GPCPD1: variants seen among roughly 807,000 people sequenced by gnomAD.
The protein encoded by GPCPD1 is glycerophosphocholine phosphodiesterase 1.
Under a neutral mutation model 89.2 loss-of-function variants are expected in GPCPD1, and 29 were observed. That is an observed-to-expected ratio of 0.33 (90% CI 0.24 to 0.44). The LOEUF is 0.44. Ranked by LOEUF, GPCPD1 falls within the 20% of genes least tolerant of loss-of-function variation. The pLI, the probability that GPCPD1 is intolerant of heterozygous loss-of-function variation, is 1.00. For missense variants in GPCPD1, 594 were observed against 808.9 expected (o/e 0.73, Z 3.22); for synonymous variants, 258 against 266.3 (o/e 0.97, Z 0.30).
intron 15 of GPCPD1, among the ~76,000 whole-genome samples, chr20:5,563,711 T>C (rs559035536): frequency 6.6e-6 from 1 of 152,312 alleles, no homozygotes; most frequent in East Asian, 1.9e-4. Flanking sequence ...TAATGTTCAT[T>C]GCAGGGGCTC....
At chr20:5,555,873 A>G (rs995893794) in intron 19 of GPCPD1, among the ~76,000 whole-genome samples, 1 of 152,214 alleles carries the variant, frequency 6.6e-6, no homozygotes, top group African/African-American at 2.4e-5. Flanking sequence ...AAAACAAATA[A>G]AAAAGATGTT....
intron 17 of GPCPD1, 29 bp downstream of exon 17, chr20:5,559,911 T>A: frequency 7.5e-7 from 1 of 1,337,798 alleles, no homozygotes; most frequent in Non-Finnish European, 1.0e-6. Context: ...ATTCTAAGAG[T>A]ATAGGAAAAA....
rs1568651778 is a variant in GPCPD1, at chr20:5,566,723, T to C, written c.1267+10A>G. The C allele has an allele frequency of 3.3e-6, 5 of 1,507,962 alleles. No individual in the cohort carries two copies. In the South Asian group the frequency reaches 4.5e-5, roughly 14 times the overall value. The allele number at this position is 1,507,962 out of a possible 1,614,324, so 93.4% of individuals were successfully genotyped here. A position where few individuals can be genotyped will look rare whatever the true frequency, so the allele number is the denominator to read the frequency against. On this transcript the variant is annotated intron_variant, in intron 14 of 19. Transcript: ENST00000379019. ...CAAAAGGAAAACAGTGTTTCCATAT[T>C]GGTACATACCTTTCCGATCCTTAGA... is the stretch of plus-strand genomic sequence containing the variant.
Position 5,558,674 on chromosome 20 carries a change from CAT to C in GPCPD1, c.1668+8_1668+9del, listed in dbSNP as rs756330199. ...AACATTAAAAAGATAAAAATTCAAA[CAT>C]AACTTACCAGTAGATTTTCAAACTG... On this transcript the variant is annotated splice_region_variant and intron_variant, in intron 18 of 19. Transcript: ENST00000379019. The C allele has an allele frequency of 4.6e-6, 7 of 1,507,120 alleles. No individual in the cohort carries two copies. In the African/African-American group the frequency reaches 9.9e-5, roughly 21 times the overall value. The allele number at this position is 1,507,120 out of a possible 1,614,324, so 93.4% of individuals were successfully genotyped here. A position where few individuals can be genotyped will look rare whatever the true frequency, so the allele number is the denominator to read the frequency against.
At chr20:5,587,786 C>T (rs182053613) in intron 4 of GPCPD1, among the ~76,000 whole-genome samples, 5 of 152,008 alleles carry the variant, frequency 3.3e-5, no homozygotes, top group Non-Finnish European at 5.9e-5. Flanking sequence ...TTAAATTTGA[C>T]GATAAGCCAA....
chr20:5,574,753 A>G (rs1978285620), intron 10 of GPCPD1, among the ~76,000 whole-genome samples: 1 of 152,136 alleles, frequency 6.6e-6, no homozygotes, highest in African/African-American at 2.4e-5. Flanking sequence ...CAAATAAAAA[A>G]GGTGGGGGCA....
chr20:5,572,552 C>T (rs1287679567), intron 11 of GPCPD1, among the ~76,000 whole-genome samples: 1 of 152,122 alleles, frequency 6.6e-6, no homozygotes, highest in Non-Finnish European at 1.5e-5. Context: ...AAGCTAAACA[C>T]TGACTAACCA....
chr20:5,583,638 C>T (rs1241293590), intron 6 of GPCPD1, among the ~76,000 whole-genome samples: 1 of 152,162 alleles, frequency 6.6e-6, no homozygotes, highest in East Asian at 1.9e-4. Flanking sequence ...GAAGTTAAAG[C>T]ATTTTCTACT....
intron 7 of GPCPD1, among the ~76,000 whole-genome samples, chr20:5,579,382 G>C (rs112292436): frequency 1.4e-3 from 207 of 152,124 alleles, no homozygotes; most frequent in African/African-American, 4.0e-3. Context: ...TTGAGACAGA[G>C]TCTCGCTCTG....
At position 5,544,637 on chromosome 20, in the gene GPCPD1, A is replaced by G. The variant is rs1984952433; in HGVS notation, c.*3024T>C. 1 of 152,258 alleles carries G rather than the reference A, an allele frequency of 6.6e-6. No individual in the cohort carries two copies. The highest frequency in any genetic ancestry group is 2.4e-5 in the African/African-American group (1 of 41,456). The allele number at this position is 152,258 out of a possible 1,614,324, so 9.4% of individuals were successfully genotyped here. ...TCGGAAGGCAGCGTAGTTTGAGAACATGGGATTCAGAGTCACAAAACCCAC... is the reference window on the plus strand; with the variant it reads ...TCGGAAGGCAGCGTAGTTTGAGAACGTGGGATTCAGAGTCACAAAACCCAC... On this transcript the variant is annotated 3_prime_UTR_variant, in exon 20 of 20. Coordinates refer to ENST00000379019, the MANE Select transcript of GPCPD1 (RefSeq NM_019593.5).
chr20:5,579,977 T>G, intron 7 of GPCPD1, 31 bp downstream of exon 7: 1 of 1,422,534 alleles, frequency 7.0e-7, no homozygotes, highest in Non-Finnish European at 9.8e-7. Flanking sequence ...TGAAAACAAA[T>G]AGCCTAAGTA....
At chr20:5,557,200 G>C (rs1371435051) in intron 19 of GPCPD1, among the ~76,000 whole-genome samples, 1 of 152,196 alleles carries the variant, frequency 6.6e-6, no homozygotes, top group Non-Finnish European at 1.5e-5. Context: ...ACAGAAAACT[G>C]TGGGAGAGTT....
Position 5,551,760 on chromosome 20 carries a change from C to CT in GPCPD1, c.1830-3911dup, listed in dbSNP as rs1295868323. Among the ~76,000 whole-genome samples the CT allele has an allele frequency of 6.6e-5, 10 of 152,180 alleles. No individual in the cohort carries two copies. In the East Asian group the frequency reaches 1.9e-3, roughly 29 times the overall value. On this transcript the variant is annotated intron_variant, in intron 19 of 19. Transcript: ENST00000379019. ...CACTCCAGCCTGGGTGACAAAGACT[C>CT]TGTCTCAAAAAAATAAAAAGAACGG...
chr20:5,557,911 A>C (rs1985868928), intron 19 of GPCPD1, 34 bp downstream of exon 19: 2 of 1,232,380 alleles, frequency 1.6e-6, no homozygotes, highest in South Asian at 2.7e-5. Flanking sequence ...TATACTTCTA[A>C]ATTCCATGAA....
intron 4 of GPCPD1, among the ~76,000 whole-genome samples, chr20:5,589,628 G>A (rs1028842733): frequency 1.3e-5 from 2 of 152,014 alleles, no homozygotes; most frequent in African/African-American, 4.8e-5. Flanking sequence ...ACTAACAACT[G>A]AGCACTGGGA....
At chr20:5,598,576 G>T in intron 3 of GPCPD1, 149 bp downstream of exon 3, 2 of 508,772 alleles carry the variant, frequency 3.9e-6, no homozygotes, top group Non-Finnish European at 6.9e-6. Context: ...CACAAATTTT[G>T]TAAAATTATT....
chr20:5,562,108 T>C (rs913397975), intron 15 of GPCPD1, among the ~76,000 whole-genome samples: 2 of 152,218 alleles, frequency 1.3e-5, no homozygotes, highest in African/African-American at 4.8e-5. Context: ...AACTAAATTA[T>C]CTAGACACTT....
At chr20:5,610,348 T>C (rs1980881164) in intron 1 of GPCPD1, among the ~76,000 whole-genome samples, 1 of 152,134 alleles carries the variant, frequency 6.6e-6, no homozygotes. Context: ...AAGCATGCCC[T>C]AGACTACGTG....
intron 1 of GPCPD1, among the ~76,000 whole-genome samples, chr20:5,610,306 C>T (rs1266261413): frequency 6.6e-6 from 1 of 152,148 alleles, no homozygotes; most frequent in Admixed American, 6.5e-5. Context: ...CTAGGAAAGG[C>T]ACTTTAGTTT....
Sources: gnomAD v4.1 joint callset for allele counts (sites outside exome capture counted in the v4.1 genomes callset) on GRCh38, gnomAD v4.1.1 for gene constraint, MANE v1.5 for transcripts, NCBI Gene and HGNC (gene_info 2026-07-23, HGNC 2026-07-21) for gene names.